Variants in VWA3B observed in about 807,000 individuals in gnomAD.
VWA3B encodes the protein von Willebrand factor A domain containing 3B, also known as von Willebrand factor A domain-containing protein 3B.
Under a neutral mutation model 158.3 loss-of-function variants are expected in VWA3B, and 138 were observed. The ratio of observed to expected loss-of-function variants is 0.87; its 90% CI spans 0.76 to 1.00. The LOEUF is 1.00. Ranked by LOEUF, VWA3B falls within the 50% of genes least tolerant of loss-of-function variation. The probability of loss-of-function intolerance (pLI) is 0.00; values close to 1 mark genes in which losing one functional copy is unlikely to be tolerated. For synonymous variants in VWA3B, 596 were observed against 587.3 expected (o/e 1.01, Z -0.21); for missense variants, 1,555 against 1,565.1 (o/e 0.99, Z 0.11).
chr2:98,322,593 A>G, the VWA3B span, among the ~76,000 whole-genome samples: 1 of 152,242 alleles, frequency 6.6e-6, no homozygotes. Flanking sequence ...AAAGCTGCAC[A>G]GGGAAAGGTC....
Position 98,171,983 on chromosome 2 carries a change from G to A in VWA3B, c.1114+9007G>A, listed in dbSNP as rs369193195. 9.8e-5 allele frequency among the ~76,000 whole-genome samples: 15 copies of A among 152,344 alleles called. 3 individuals carry two copies. The East Asian group carries it at 1.4e-3, about 14-fold the overall frequency. On this transcript the variant is annotated intron_variant, in intron 8 of 27. Coordinates refer to ENST00000477737, the MANE Select transcript of VWA3B (RefSeq NM_144992.5). ...AGCATACAGATGGGCAGGCTGTGGG[G>A]TGCCAACCCCGTGCCAATGTCTAGG...
chr2:98,245,986 C>T (rs1686365743), intron 19 of VWA3B, among the ~76,000 whole-genome samples: 1 of 152,170 alleles, frequency 6.6e-6, no homozygotes, highest in South Asian at 2.1e-4. Context: ...ATGCTGAATT[C>T]ATGTGGTTGT....
chr2:98,314,316 A>C (rs1201745172), downstream of VWA3B, among the ~76,000 whole-genome samples: 2 of 140,656 alleles, frequency 1.4e-5, no homozygotes, highest in Non-Finnish European at 3.3e-5. Context: ...TAATAAGTGC[A>C]TGGCTGTGAG....
rs377623094 is a variant in VWA3B at position 98,303,277 on chromosome 2, G to T, written c.3421-425G>T. 3.2e-3 allele frequency among the ~76,000 whole-genome samples: 493 copies of T among 152,154 alleles called. 3 individuals carry two copies. The highest frequency in any genetic ancestry group is 0.011 in the African/African-American group (460 of 41,506). On this transcript the variant is annotated intron_variant, in intron 25 of 27. Transcript: ENST00000477737. ...TGGCCGGGGGCGGGGGGTGGAGGTG[G>T]GTGTGGCAGGGTGGAGGGGGAAGGA...
At chr2:98,194,860 T>C (rs1186937688) in intron 12 of VWA3B, among the ~76,000 whole-genome samples, 1 of 152,200 alleles carries the variant, frequency 6.6e-6, no homozygotes, top group Admixed American at 6.5e-5. Context: ...ATTGCAGCCA[T>C]TCTTATCAAT....
At chr2:98,231,589 C>T (rs935246171) in intron 16 of VWA3B, among the ~76,000 whole-genome samples, 2 of 152,042 alleles carry the variant, frequency 1.3e-5, no homozygotes, top group Admixed American at 6.5e-5. Context: ...TCACATGTAC[C>T]GTGGATTTAA....
intron 8 of VWA3B, among the ~76,000 whole-genome samples, chr2:98,174,953 C>T (rs1237455292): frequency 6.6e-6 from 1 of 152,182 alleles, no homozygotes; most frequent in Non-Finnish European, 1.5e-5. Flanking sequence ...AGCAGAGACT[C>T]CAGTGGCTAC....
intron 2 of VWA3B, among the ~76,000 whole-genome samples, chr2:98,103,900 A>G (rs1283127783): frequency 6.6e-6 from 1 of 152,208 alleles, no homozygotes; most frequent in Non-Finnish European, 1.5e-5. Flanking sequence ...TTCCAAATGC[A>G]TACACATTTA....
At chr2:98,091,473 G>T (rs1200868023) in intron 1 of VWA3B, among the ~76,000 whole-genome samples, 1 of 152,130 alleles carries the variant, frequency 6.6e-6, no homozygotes, top group Admixed American at 6.5e-5. Flanking sequence ...GAATGGCCTG[G>T]TTTAGAATCT....
chr2:98,232,702 C>T (rs1300192445), intron 16 of VWA3B, among the ~76,000 whole-genome samples: 2 of 152,124 alleles, frequency 1.3e-5, no homozygotes, highest in African/African-American at 4.8e-5. Context: ...TGGGCCTTGA[C>T]CTACTTTTGT....
Position 98,250,313 on chromosome 2 carries a change from T to C in VWA3B, c.2674-5T>C. 1 of 1,608,124 alleles carries C rather than the reference T, an allele frequency of 6.2e-7. No individual in the cohort carries two copies. Among genetic ancestry groups the C allele is most frequent in the Non-Finnish European group, 8.5e-7 (1 of 1,177,832 alleles). On this transcript the variant is annotated splice_region_variant and splice_polypyrimidine_tract_variant and intron_variant, in intron 19 of 27. Transcript: ENST00000477737. ...ACTTTCCTTTCCTTTGCCATTGACATGCAGGTGTTCCCTCTGGCACATGTG... is the reference window on the plus strand; with the variant it reads ...ACTTTCCTTTCCTTTGCCATTGACACGCAGGTGTTCCCTCTGGCACATGTG...
intron 12 of VWA3B, among the ~76,000 whole-genome samples, chr2:98,205,271 T>C (rs1682920524): frequency 6.6e-6 from 1 of 152,204 alleles, no homozygotes; most frequent in Non-Finnish European, 1.5e-5. Context: ...TTTGTGGTTT[T>C]TGAAAAAGTG....
At chr2:98,132,714 AG>A (rs1411449723) in intron 6 of VWA3B, among the ~76,000 whole-genome samples, 2 of 152,184 alleles carry the variant, frequency 1.3e-5, no homozygotes, top group Non-Finnish European at 2.9e-5. Context: ...CTTGCCCTAC[AG>A]GGCAAGGGAG....
At chr2:98,329,809 A>G in the VWA3B span, among the ~76,000 whole-genome samples, 12 of 152,198 alleles carry the variant, frequency 7.9e-5, no homozygotes, top group South Asian at 1.0e-3. Context: ...GACCTGATGT[A>G]TTGTGTCCTT....
In VWA3B at chr2:98,192,963, T is replaced by C. The variant is rs758161537; in HGVS notation, c.1532T>C (p.Ile511Thr). 1 of 1,614,206 alleles carries C rather than the reference T, an allele frequency of 6.2e-7. No homozygotes were observed. Among genetic ancestry groups the C allele is most frequent in the South Asian group, 1.1e-5 (1 of 91,088 alleles). The change falls in exon 11 of 28, where the codon ATT becomes ACT. Residue 511 changes from isoleucine to threonine, a missense_variant. By Grantham distance (89) the Ile-to-Thr change is moderately conservative. Coordinates refer to ENST00000477737, the MANE Select transcript of VWA3B (RefSeq NM_144992.5). ...AGATTGCATAATGATTGCATCTACA[T>C]TCTCATTGACACGTCTCACTCAATG... ...FGRLHNDCIY[I>T]LIDTSHSMKS...
chr2:98,263,217 T>C (rs1392696488), intron 21 of VWA3B, among the ~76,000 whole-genome samples: 1 of 151,928 alleles, frequency 6.6e-6, no homozygotes, highest in Non-Finnish European at 1.5e-5. Context: ...TACAAACAGA[T>C]AATTTTACTT....
chr2:98,268,407 A>G (rs574999383), intron 21 of VWA3B, among the ~76,000 whole-genome samples: 2 of 152,270 alleles, frequency 1.3e-5, no homozygotes, highest in South Asian at 2.1e-4. Context: ...AATAAAATCT[A>G]TTCTTTAAGT....
intron 5 of VWA3B, among the ~76,000 whole-genome samples, chr2:98,126,886 C>T (rs1326100209): frequency 6.7e-6 from 1 of 150,354 alleles, no homozygotes; most frequent in Non-Finnish European, 1.5e-5. Context: ...CCACCCCTAT[C>T]CCTTCCACCT....
chr2:98,220,196 A>G (rs1010464839), intron 14 of VWA3B, among the ~76,000 whole-genome samples: 3 of 151,662 alleles, frequency 2.0e-5, no homozygotes, highest in Admixed American at 1.3e-4. Flanking sequence ...AAGATACGAA[A>G]AAACTAAAAG....
Sources: gnomAD v4.1 joint callset for allele counts (sites outside exome capture counted in the v4.1 genomes callset) on GRCh38, gnomAD v4.1.1 for gene constraint, MANE v1.5 for transcripts, NCBI Gene and HGNC (gene_info 2026-07-23, HGNC 2026-07-21) for gene names.